The following CHRM3 variants were observed in gnomAD, a reference collection of about 807,000 sequenced individuals.
CHRM3 encodes the protein muscarinic acetylcholine receptor M3.
A neutral mutation model predicts 41.8 loss-of-function variants in CHRM3; 11 were observed. The observed-to-expected ratio is 0.26, with a 90% CI of 0.17 to 0.44. CHRM3 has a LOEUF of 0.44. CHRM3 is among the 20% of genes least tolerant of loss of function. CHRM3 has a pLI of 1.00. For missense variants in CHRM3, 571 were observed against 745.4 expected (o/e 0.77, Z 2.72); for synonymous variants, 297 against 301.4 (o/e 0.99, Z 0.15).
intron 5 of CHRM3, among the ~76,000 whole-genome samples, chr1:239,695,008 C>A (rs1024018281): frequency 1.3e-5 from 2 of 151,604 alleles, no homozygotes; most frequent in East Asian, 2.0e-4. Context: ...TTACTCTTTT[C>A]TGTATACAAT....
At chr1:239,390,599 CTT>C (rs11316805) in intron 1 of CHRM3, among the ~76,000 whole-genome samples, 53 of 139,686 alleles carry the variant, frequency 3.8e-4, no homozygotes, top group African/African-American at 5.8e-4. Context: ...GCTTCCCTCA[CTT>C]TTTTTTTTTT....
chr1:239,786,272 T>C (rs1227869552), intron 5 of CHRM3, among the ~76,000 whole-genome samples: 1 of 152,164 alleles, frequency 6.6e-6, no homozygotes, highest in African/African-American at 2.4e-5. Context: ...TTTATTAATA[T>C]TTTGTATCCA....
At chr1:239,572,620 T>C (rs1270753927) in intron 3 of CHRM3, among the ~76,000 whole-genome samples, 1 of 152,204 alleles carries the variant, frequency 6.6e-6, no homozygotes, top group Non-Finnish European at 1.5e-5. Flanking sequence ...ATGATTTCTG[T>C]TCTCATTAGG....
In CHRM3 at chr1:239,551,216, G is replaced by C. The variant is rs1041236550; in HGVS notation, c.-313+5467G>C. On this transcript the variant is annotated intron_variant, in intron 3 of 6. Transcript: ENST00000676153. Reference sequence around the variant, plus strand: ...TCACTCCTGTTGCCCAGGCCAGAGTGCAATGGCGTGATCTCGGCTTACTGC... The same window carrying C: ...TCACTCCTGTTGCCCAGGCCAGAGTCCAATGGCGTGATCTCGGCTTACTGC... Among the ~76,000 whole-genome samples, 16 of 136,416 alleles carry C rather than the reference G, an allele frequency of 1.2e-4. No individual in the cohort carries two copies. In the East Asian group the frequency reaches 3.6e-3, roughly 31 times the overall value. 89.5% of individuals were successfully genotyped at this position (136,416 alleles called of 152,430 possible).
At chr1:239,508,910 CTT>C (rs1241192731) in intron 2 of CHRM3, among the ~76,000 whole-genome samples, 2 of 152,138 alleles carry the variant, frequency 1.3e-5, no homozygotes, top group Non-Finnish European at 2.9e-5. Flanking sequence ...AATAAAATAA[CTT>C]TGCACAAATT....
Position 239,571,681 on chromosome 1 carries a change from C to T in CHRM3, c.-313+25932C>T, listed in dbSNP as rs377324299. Among the ~76,000 whole-genome samples the T allele has an allele frequency of 5.3e-5, 8 of 152,122 alleles. No individual in the cohort carries two copies. The South Asian group carries it at 6.2e-4, about 12-fold the overall frequency. On this transcript the variant is annotated intron_variant, in intron 3 of 6. Coordinates refer to ENST00000676153, the MANE Select transcript of CHRM3 (RefSeq NM_001375978.1). Reference sequence around the variant, plus strand: ...CATCTTTTATTCTCACAGTGATCTCCGTCTCCTGCACGTCATTACACTCTC... The same window carrying T: ...CATCTTTTATTCTCACAGTGATCTCTGTCTCCTGCACGTCATTACACTCTC...
intron 6 of CHRM3, among the ~76,000 whole-genome samples, chr1:239,841,758 T>G (rs955125046): frequency 6.6e-6 from 1 of 152,182 alleles, no homozygotes; most frequent in African/African-American, 2.4e-5. Flanking sequence ...GTTTCTTCTT[T>G]TACTTTCCAA....
intron 4 of CHRM3, among the ~76,000 whole-genome samples, chr1:239,666,613 T>C (rs1207661136): frequency 6.6e-6 from 1 of 152,176 alleles, no homozygotes; most frequent in Non-Finnish European, 1.5e-5. Flanking sequence ...CCTCCTGAAA[T>C]AGATAACATT....
At chr1:239,826,054 A>G (rs1672433406) in intron 5 of CHRM3, among the ~76,000 whole-genome samples, 1 of 152,206 alleles carries the variant, frequency 6.6e-6, no homozygotes. Flanking sequence ...GGGAAGAGGG[A>G]AAATGCAGAG....
chr1:239,436,638 A>G (rs894724185), intron 1 of CHRM3, among the ~76,000 whole-genome samples: 1 of 151,580 alleles, frequency 6.6e-6, no homozygotes, highest in African/African-American at 2.4e-5. Context: ...AGCTTTATGA[A>G]TTTTTCTCAC....
intron 3 of CHRM3, among the ~76,000 whole-genome samples, chr1:239,554,470 GTA>G (rs373687685): frequency 0.014 from 2,095 of 150,774 alleles, 31 homozygotes; most frequent in African/African-American, 0.039. Context: ...GTGTGTGTGT[GTA>G]TGTGTGTGCA....
chr1:239,530,406 C>G (rs914903232), intron 2 of CHRM3, among the ~76,000 whole-genome samples: 1 of 152,106 alleles, frequency 6.6e-6, no homozygotes, highest in Non-Finnish European at 1.5e-5. Flanking sequence ...AAAAGACAAG[C>G]TGCTCCAAGC....
Position 239,387,942 on chromosome 1 carries a change from C to T in CHRM3, c.-521+715C>T, listed in dbSNP as rs1658674498. 6.6e-6 allele frequency among the ~76,000 whole-genome samples: 1 copy of T among 152,098 alleles called. No homozygotes were observed. The highest frequency in any genetic ancestry group is 6.5e-5 in the Admixed American group (1 of 15,268). On this transcript the variant is annotated intron_variant, in intron 1 of 6. Coordinates refer to ENST00000676153, the MANE Select transcript of CHRM3 (RefSeq NM_001375978.1). This position sits in a 1 kb window ranked among gnomAD's most constrained non-coding sequence, Gnocchi z 5.1. ...TGGAACACTTCCTCAGCATAGCCTC[C>T]TAATAGCGAGGTTAATTTTTGCGTG...
At chr1:239,591,953 C>G in intron 3 of CHRM3, among the ~76,000 whole-genome samples, 1 of 152,132 alleles carries the variant, frequency 6.6e-6, no homozygotes, top group Non-Finnish European at 1.5e-5. Context: ...AGTTCAGAGG[C>G]CTTGATTGGC....
At chr1:239,602,057 TATATGCACAC>T (rs1665614867) in intron 3 of CHRM3, among the ~76,000 whole-genome samples, 1 of 149,298 alleles carries the variant, frequency 6.7e-6, no homozygotes, top group Non-Finnish European at 1.5e-5. Context: ...TATATATACA[TATATGCACAC>T]ATATGTACAC....
chr1:239,897,752 C>A (rs931331163), intron 6 of CHRM3, among the ~76,000 whole-genome samples: 2 of 152,176 alleles, frequency 1.3e-5, no homozygotes, highest in Non-Finnish European at 1.5e-5. Flanking sequence ...CGTGCCATTT[C>A]TTTAGATATT....
chr1:239,549,628 T>C (rs1489948976), intron 3 of CHRM3, among the ~76,000 whole-genome samples: 2 of 143,796 alleles, frequency 1.4e-5, no homozygotes, highest in African/African-American at 5.2e-5. Flanking sequence ...ACCACTGCAC[T>C]CCAGCCTAGG....
chr1:239,754,653 T>G (rs1666096103), intron 5 of CHRM3, among the ~76,000 whole-genome samples: 1 of 152,206 alleles, frequency 6.6e-6, no homozygotes, highest in Non-Finnish European at 1.5e-5. Flanking sequence ...CTGAAGGTCC[T>G]GCTTTAGAGG....
At chr1:239,587,711 G>A (rs1211790649) in intron 3 of CHRM3, among the ~76,000 whole-genome samples, 1 of 152,060 alleles carries the variant, frequency 6.6e-6, no homozygotes. Context: ...CCTAAGCAAC[G>A]AAGTCATTTT....
Sources: allele counts gnomAD v4.1 joint callset (sites outside exome capture counted in the v4.1 genomes callset), GRCh38; gene constraint gnomAD v4.1.1; non-coding constraint Gnocchi (gnomAD v3.1); transcripts MANE v1.5; gene names NCBI Gene and HGNC (gene_info 2026-07-23, HGNC 2026-07-21).